Variants in TBC1D8 observed in about 807,000 individuals in gnomAD.
TBC1D8 encodes the protein BUB2-like protein 1.
TBC1D8 carries 65 observed loss-of-function variants against 118.8 expected under a neutral mutation model. The ratio of observed to expected loss-of-function variants is 0.55; its 90% confidence interval spans 0.45 to 0.67. The LOEUF (loss-of-function observed/expected upper bound fraction) is 0.67, where lower values mean the gene tolerates loss of function less well. TBC1D8 is among the 30% of genes least tolerant of loss of function. TBC1D8 has a pLI of 0.00. For synonymous variants in TBC1D8, 566 were observed against 595.8 expected (o/e 0.95, Z 0.73); for missense variants, 1,376 against 1,471.2 (o/e 0.94, Z 1.06).
intron 7 of TBC1D8, among the ~76,000 whole-genome samples, chr2:101,037,974 T>TCCC (rs1401376625): frequency 2.0e-5 from 3 of 152,012 alleles, no homozygotes; most frequent in Non-Finnish European, 4.4e-5. Flanking sequence ...AGCCCCAGCC[T>TCCC]CCCCTCAGCT....
At chr2:101,009,319 T>G (rs1678999339) in intron 19 of TBC1D8, among the ~76,000 whole-genome samples, 1 of 148,776 alleles carries the variant, frequency 6.7e-6, no homozygotes, top group Non-Finnish European at 1.5e-5. Context: ...GGCAGGAGAA[T>G]GGCATGAACT....
intron 2 of TBC1D8, among the ~76,000 whole-genome samples, chr2:101,073,286 A>C (rs1251893516): frequency 7.0e-6 from 1 of 142,860 alleles, no homozygotes; most frequent in African/African-American, 2.7e-5. Flanking sequence ...ATTTTATTTT[A>C]TTTTATTTTA....
intron 1 of TBC1D8, among the ~76,000 whole-genome samples, chr2:101,128,920 G>T (rs1678465798): frequency 6.6e-6 from 1 of 151,092 alleles, no homozygotes; most frequent in Non-Finnish European, 1.5e-5. Flanking sequence ...TACCATAGAG[G>T]GAGGGAGCAG....
intron 1 of TBC1D8, among the ~76,000 whole-genome samples, chr2:101,117,057 G>T (rs1397448078): frequency 6.6e-6 from 1 of 152,122 alleles, no homozygotes; most frequent in African/African-American, 2.4e-5. Flanking sequence ...GACACACAGG[G>T]AGAGCACTGT....
chr2:101,081,118 A>G (rs184925750), intron 2 of TBC1D8, among the ~76,000 whole-genome samples: 1 of 152,348 alleles, frequency 6.6e-6, no homozygotes, highest in East Asian at 1.9e-4. Flanking sequence ...TGATTTATGA[A>G]AATATCACAA....
At chr2:101,103,655 G>GTGC (rs1041612948) in intron 1 of TBC1D8, among the ~76,000 whole-genome samples, 1 of 152,132 alleles carries the variant, frequency 6.6e-6, no homozygotes, top group South Asian at 2.1e-4. Flanking sequence ...GCCTCCCAAA[G>GTGC]TGCTGGGATT....
At chr2:101,095,986 C>T (rs1676394632) in intron 1 of TBC1D8, among the ~76,000 whole-genome samples, 1 of 152,164 alleles carries the variant, frequency 6.6e-6, no homozygotes, top group Admixed American at 6.5e-5. Context: ...GACCACCACA[C>T]CAACAGGCTC....
chr2:101,149,908 T>A (rs1490577306), intron 1 of TBC1D8, among the ~76,000 whole-genome samples: 1 of 152,128 alleles, frequency 6.6e-6, no homozygotes, highest in African/African-American at 2.4e-5. Context: ...GGACCACTGG[T>A]TACCAAAGCA....
chr2:101,113,722 T>C (rs905665285), intron 1 of TBC1D8, among the ~76,000 whole-genome samples: 2 of 151,688 alleles, frequency 1.3e-5, no homozygotes, highest in Non-Finnish European at 2.9e-5. Context: ...AACGCAAGAG[T>C]GCCTCCTTTG....
chr2:101,129,898 C>G (rs1164224616), intron 1 of TBC1D8, among the ~76,000 whole-genome samples: 1 of 146,906 alleles, frequency 6.8e-6, no homozygotes, highest in Non-Finnish European at 1.5e-5. Flanking sequence ...GGGCGAGACT[C>G]TGTCTCAAAA....
At chr2:101,020,471 A>G (rs369006483) in intron 17 of TBC1D8, among the ~76,000 whole-genome samples, 1 of 152,246 alleles carries the variant, frequency 6.6e-6, no homozygotes, top group African/African-American at 2.4e-5. Flanking sequence ...ATGCTAAACA[A>G]TTTGCATTTA....
In TBC1D8 at chr2:101,029,601, G is replaced by A; in HGVS notation, c.2112C>T (p.Phe704=). ...ESAVNVVDCF[F]YDGIKAIFQL... ...GGAAGATGGCTTTGATGCCATCATA[G>A]AAGAAGCAGTCTACCACATTCACCG... The change falls in exon 12 of 20, where the codon TTC becomes TTT. Residue 704 remains phenylalanine (F), a synonymous_variant. Coordinates refer to ENST00000409318, the MANE Select transcript of TBC1D8 (RefSeq NM_001330348.2). 6.2e-7 allele frequency: 1 copy of A among 1,614,010 alleles called. No homozygotes were observed. Among genetic ancestry groups the A allele is most frequent in the South Asian group, 1.1e-5 (1 of 91,086 alleles).
intron 15 of TBC1D8, among the ~76,000 whole-genome samples, chr2:101,027,021 G>C (rs756310656): frequency 6.6e-6 from 1 of 152,192 alleles, no homozygotes; most frequent in Non-Finnish European, 1.5e-5. Flanking sequence ...ATCAGGTGAT[G>C]ATTTCAAAAA....
At chr2:101,075,784 T>A (rs1397143148) in intron 2 of TBC1D8, among the ~76,000 whole-genome samples, 2 of 152,174 alleles carry the variant, frequency 1.3e-5, no homozygotes, top group African/African-American at 4.8e-5. Context: ...TATAGCAGTA[T>A]AAAACGGACT....
intron 1 of TBC1D8, among the ~76,000 whole-genome samples, chr2:101,130,019 A>T (rs1279966474): frequency 6.6e-6 from 1 of 152,092 alleles, no homozygotes; most frequent in Non-Finnish European, 1.5e-5. Context: ...GTTCATCTGT[A>T]AAAAGGGGTA....
At chr2:101,020,030 G>A (rs906761206) in intron 17 of TBC1D8, among the ~76,000 whole-genome samples, 3 of 146,912 alleles carry the variant, frequency 2.0e-5, no homozygotes, top group South Asian at 2.1e-4. Flanking sequence ...CCGAGATTGC[G>A]CCACTGCATT....
chr2:101,044,006 T>C (rs1681546460), intron 5 of TBC1D8, among the ~76,000 whole-genome samples: 1 of 152,186 alleles, frequency 6.6e-6, no homozygotes, highest in Non-Finnish European at 1.5e-5. Flanking sequence ...CATTTTGTTC[T>C]ACCCAGTGCA....
At chr2:101,046,248 T>A (rs576697100) in intron 5 of TBC1D8, among the ~76,000 whole-genome samples, 2 of 152,348 alleles carry the variant, frequency 1.3e-5, no homozygotes, top group South Asian at 2.1e-4. Flanking sequence ...TAGGCTCACC[T>A]GGCTGTCAGG....
intron 2 of TBC1D8, among the ~76,000 whole-genome samples, chr2:101,069,957 C>T (rs1205560286): frequency 6.6e-6 from 1 of 151,456 alleles, no homozygotes; most frequent in Admixed American, 6.6e-5. Flanking sequence ...CTCTTGTTGC[C>T]CAGGCTGGAG....
Sources: gnomAD v4.1 joint callset for allele counts (sites outside exome capture counted in the v4.1 genomes callset) on GRCh38, gnomAD v4.1.1 for gene constraint, MANE v1.5 for transcripts, NCBI Gene and HGNC (gene_info 2026-07-23, HGNC 2026-07-21) for gene names.